CAMK2D: variants seen among roughly 807,000 people sequenced by gnomAD.
CAMK2D encodes the protein calcium/calmodulin-dependent protein kinase type II subunit delta.
A neutral mutation model predicts 84.0 loss-of-function variants in CAMK2D; 37 were observed. That is an observed-to-expected ratio of 0.44 (90% CI 0.34 to 0.58). The LOEUF (loss-of-function observed/expected upper bound fraction) is 0.58. Ranked by LOEUF, CAMK2D falls within the 20% of genes least tolerant of loss-of-function variation. The pLI is 0.02. For missense variants in CAMK2D, 448 were observed against 652.5 expected, an observed-to-expected ratio of 0.69 and a Z score of 3.41; for synonymous variants, 202 against 212.5, an observed-to-expected ratio of 0.95 and a Z score of 0.43.
chr4:113,549,782 A>AT (rs996675912), intron 5 of CAMK2D, among the ~76,000 whole-genome samples: 3 of 152,198 alleles, frequency 2.0e-5, no homozygotes, highest in Admixed American at 2.0e-4. Context: ...AAAATCTTGA[A>AT]TTTAAAAAAG....
At chr4:113,565,827 A>G (rs980529553) in intron 4 of CAMK2D, among the ~76,000 whole-genome samples, 4 of 151,950 alleles carry the variant, frequency 2.6e-5, no homozygotes, top group Non-Finnish European at 4.4e-5. Flanking sequence ...ACTAGGATAA[A>G]TTCACTTTCC....
chr4:113,693,725 A>C (rs1019420414), intron 2 of CAMK2D, among the ~76,000 whole-genome samples: 2 of 152,222 alleles, frequency 1.3e-5, no homozygotes, highest in Non-Finnish European at 2.9e-5. Context: ...ATCACCAAAC[A>C]CAAGTATAAA....
rs550687003 is a variant in CAMK2D at position 113,670,927 on chromosome 4, C to CA, written c.161-9156dup. ...TGGGCAACAGAGCGAGACTCCGTCT[C>CA]AAAAAAAAAAAGATAAACACAATCC... is the stretch of plus-strand genomic sequence containing the variant. On this transcript the variant is annotated intron_variant, in intron 2 of 20. Transcript: ENST00000511664. Among the ~76,000 whole-genome samples the CA allele has an allele frequency of 9.5e-3, 1,370 of 143,664 alleles. 22 individuals are homozygous for CA. The highest frequency in any genetic ancestry group is 0.031 in the African/African-American group (1,221 of 39,472). The allele number at this position is 143,664 out of a possible 152,430, so 94.2% of individuals were successfully genotyped here.
intron 19 of CAMK2D, 41 bp downstream of exon 19, chr4:113,457,294 G>A: frequency 6.2e-7 from 1 of 1,610,304 alleles, no homozygotes; most frequent in African/African-American, 1.3e-5. Flanking sequence ...AGCTGACCAT[G>A]GGTGTATTAA....
At chr4:113,668,758 T>C (rs1385193051) in intron 2 of CAMK2D, among the ~76,000 whole-genome samples, 2 of 152,190 alleles carry the variant, frequency 1.3e-5, no homozygotes, top group South Asian at 2.1e-4. Context: ...TTCAGTTTTA[T>C]AGTATATGCT....
At chr4:113,620,634 A>C (rs2099041821) in intron 3 of CAMK2D, among the ~76,000 whole-genome samples, 1 of 151,442 alleles carries the variant, frequency 6.6e-6, no homozygotes, top group Non-Finnish European at 1.5e-5. Flanking sequence ...CAGCCTCCTG[A>C]GTAGCTGGGA....
chr4:113,548,829 C>T, intron 5 of CAMK2D: 3 of 592,582 alleles, frequency 5.1e-6, no homozygotes, highest in Non-Finnish European at 9.0e-6. Context: ...AACAAACAAA[C>T]AAACAAAAAT....
intron 9 of CAMK2D, 83 bp from the exon 10 acceptor site, chr4:113,515,274 C>A: frequency 2.4e-6 from 2 of 830,132 alleles, no homozygotes; most frequent in African/African-American, 1.7e-5. Flanking sequence ...TGAATCATTC[C>A]CTCAAGTAGT....
At chr4:113,524,120 C>A (rs961002202) in intron 8 of CAMK2D, among the ~76,000 whole-genome samples, 1 of 152,190 alleles carries the variant, frequency 6.6e-6, no homozygotes, top group Non-Finnish European at 1.5e-5. Flanking sequence ...GATTCTCCCA[C>A]CTTGGCCTCC....
chr4:113,579,145 T>C (rs572985161), intron 4 of CAMK2D, among the ~76,000 whole-genome samples: 1 of 152,324 alleles, frequency 6.6e-6, no homozygotes, highest in South Asian at 2.1e-4. Context: ...TTCCACTGAC[T>C]GTTTTTGGAG....
intron 13 of CAMK2D, among the ~76,000 whole-genome samples, chr4:113,507,062 G>A (rs2098137413): frequency 6.6e-6 from 1 of 152,066 alleles, no homozygotes; most frequent in Non-Finnish European, 1.5e-5. Flanking sequence ...TTTTGGTCAT[G>A]TTTAATATGC....
rs1313532292 is a variant in CAMK2D, at chr4:113,453,423, A to C, written c.*1122T>G. 6.6e-6 allele frequency: 1 copy of C among 152,164 alleles called. No homozygotes were observed. Among genetic ancestry groups the C allele is most frequent in the East Asian group, 1.9e-4 (1 of 5,196 alleles). 9.4% of individuals were successfully genotyped at this position (152,164 alleles called of 1,614,324 possible). ...TGGTATCCTCCTGGCAACTGTCCCA[A>C]TCAGTAAGACGTTGCAGTCACAGGA... On this transcript the variant is annotated 3_prime_UTR_variant, in exon 21 of 21. Transcript: ENST00000511664.
Position 113,661,509 on chromosome 4 carries a change from C to A in CAMK2D, c.220+204G>T, listed in dbSNP as rs541682129. On this transcript the variant is annotated intron_variant, in intron 3 of 20. Transcript: ENST00000511664. ...TTGTTTCCACAAACTTAATTTTTCA[C>A]ATTTCTACTTCAAAGATTGCATCAA... 9.9e-5 allele frequency among the ~76,000 whole-genome samples: 15 copies of A among 152,210 alleles called. No individual in the cohort carries two copies. The South Asian group carries it at 3.1e-3, about 32-fold the overall frequency.
At chr4:113,496,423 T>A (rs1265023383) in intron 16 of CAMK2D, among the ~76,000 whole-genome samples, 1 of 151,700 alleles carries the variant, frequency 6.6e-6, no homozygotes, top group African/African-American at 2.4e-5. Context: ...ATGGTAATTA[T>A]GCTTTATTGG....
chr4:113,669,552 G>GA (rs1259863355), intron 2 of CAMK2D, among the ~76,000 whole-genome samples: 9 of 151,820 alleles, frequency 5.9e-5, no homozygotes, highest in Non-Finnish European at 1.2e-4. Flanking sequence ...AGATGGGCAG[G>GA]AAACTCTGAT....
intron 16 of CAMK2D, among the ~76,000 whole-genome samples, chr4:113,482,534 T>C (rs1198888300): frequency 6.6e-6 from 1 of 152,230 alleles, no homozygotes; most frequent in Non-Finnish European, 1.5e-5. Flanking sequence ...AGTAATGCAG[T>C]AGTGCAGACT....
At chr4:113,736,149 C>T (rs2099580826) in intron 2 of CAMK2D, among the ~76,000 whole-genome samples, 1 of 146,404 alleles carries the variant, frequency 6.8e-6, no homozygotes, top group Non-Finnish European at 1.5e-5. Flanking sequence ...AAAAAAACAA[C>T]ACCCAGTAAC....
intron 16 of CAMK2D, among the ~76,000 whole-genome samples, chr4:113,485,556 C>T (rs1173146281): frequency 6.6e-6 from 1 of 152,202 alleles, no homozygotes; most frequent in Non-Finnish European, 1.5e-5. Flanking sequence ...AGTCTTAAAA[C>T]TGGTCTAACC....
intron 2 of CAMK2D, among the ~76,000 whole-genome samples, chr4:113,712,892 G>A (rs1442447178): frequency 6.6e-6 from 1 of 151,806 alleles, no homozygotes; most frequent in Non-Finnish European, 1.5e-5. Context: ...TAAGTCCCAT[G>A]CATGTTTTTA....
Sources: gnomAD v4.1 joint callset for allele counts (sites outside exome capture counted in the v4.1 genomes callset) on GRCh38, gnomAD v4.1.1 for gene constraint, MANE v1.5 for transcripts, NCBI Gene and HGNC (gene_info 2026-07-23, HGNC 2026-07-21) for gene names.